TRABD2B: variants seen among roughly 807,000 people sequenced by gnomAD.
The protein encoded by TRABD2B is metalloprotease TIKI2.
A neutral mutation model predicts 40.1 loss-of-function variants in TRABD2B; 14 were observed. The ratio of observed to expected loss-of-function variants is 0.35; its 90% CI spans 0.23 to 0.55. The LOEUF is 0.55. Ranked by LOEUF, TRABD2B falls within the 20% of genes least tolerant of loss-of-function variation. The pLI is 0.90. For missense variants in TRABD2B, 541 were observed against 648.6 expected (o/e 0.83, Z 1.80); for synonymous variants, 263 against 277.0 (o/e 0.95, Z 0.50).
intron 2 of TRABD2B, among the ~76,000 whole-genome samples, chr1:47,878,184 C>T (rs141786193): frequency 0.021 from 3,159 of 151,954 alleles, 66 homozygotes; most frequent in South Asian, 0.044. Context: ...GGTGTGGTGG[C>T]GAGCACCTGT....
At chr1:47,853,210 A>C (rs1372707981) in intron 2 of TRABD2B, among the ~76,000 whole-genome samples, 1 of 152,222 alleles carries the variant, frequency 6.6e-6, no homozygotes, top group African/African-American at 2.4e-5. Flanking sequence ...GGAGTTGAGC[A>C]AACACATATC....
chr1:47,778,654 A>G, intron 4 of TRABD2B, 110 bp from the exon 5 acceptor site: 1 of 745,370 alleles, frequency 1.3e-6, no homozygotes, highest in Non-Finnish European at 2.3e-6. Context: ...CCTACACCAA[A>G]GTCAATGCCC....
rs1449512061 is a variant in TRABD2B, at chr1:47,775,268, C to A, written c.1251G>T (p.Gln417His). 1.6e-6 allele frequency: 2 copies of A among 1,255,838 alleles called. No individual in the cohort carries two copies. Among genetic ancestry groups the A allele is most frequent in the South Asian group, 3.2e-5 (1 of 30,778 alleles). The allele number at this position is 1,255,838 out of a possible 1,614,324, so 77.8% of individuals were successfully genotyped here. A position where few individuals can be genotyped will look rare whatever the true frequency, so the allele number is the denominator to read the frequency against. ...TCCTCTGCCGGCCAAACTCCTCCAGCTGGCTGAGGCTGTCGGGGAGCAGGA... is the reference window on the plus strand; with the variant it reads ...TCCTCTGCCGGCCAAACTCCTCCAGATGGCTGAGGCTGTCGGGGAGCAGGA... ...PHLLLPDSLS[Q>H]LEEFGRQRKW... The change falls in exon 6 of 7, where the codon CAG becomes CAT. Residue 417 changes from glutamine to histidine, a missense_variant. Gln to His is a conservative substitution (Grantham distance 24, BLOSUM62 0). Around this residue, in one of 2 missense-constraint regions of TRABD2B, gnomAD observed 172 missense variants for 155.8 expected, o/e 1.10. Transcript: ENST00000606738.
chr1:47,994,189 T>G lies in TRABD2B; in HGVS notation c.511A>C (p.Asn171His). 1 of 1,542,304 alleles carries G rather than the reference T, an allele frequency of 6.5e-7. No individual in the cohort carries two copies. Among genetic ancestry groups the G allele is most frequent in the Non-Finnish European group, 8.7e-7 (1 of 1,149,750 alleles). The change falls in exon 2 of 7, where the codon AAC becomes CAC. Residue 171 changes from asparagine to histidine, a missense_variant. Transcript: ENST00000606738. The surrounding 1 kb of genome is among the most constrained non-coding windows in gnomAD (Gnocchi z 6.7). ...KRPVWVMLMV[N>H]SLTERDVRFR... is the part of the protein sequence containing the mutation. ...CGCACGTCCCTCTCTGTGAGCGAGT[T>G]TACCATGAGCATCACCCAGACGGGC...
chr1:47,834,667 T>C (rs757056709), intron 2 of TRABD2B, among the ~76,000 whole-genome samples: 2 of 152,128 alleles, frequency 1.3e-5, no homozygotes, highest in Non-Finnish European at 2.9e-5. Flanking sequence ...CTCTGTCTAA[T>C]CATTAGCTGA....
At position 47,996,878 on chromosome 1, in the gene TRABD2B, C is replaced by A; in HGVS notation, c.-89G>T. On this transcript the variant is annotated 5_prime_UTR_variant, in exon 1 of 7. Transcript: ENST00000606738. This position sits in a 1 kb window ranked among gnomAD's most constrained non-coding sequence, Gnocchi z 4.6. ...CCCCCAGTTGGGCACGGAGTTTCCT[C>A]TGGAGCACGGGGCTCCAGCCGCAGG... 2 of 1,141,594 alleles carry A rather than the reference C, an allele frequency of 1.8e-6. No homozygotes were observed. The highest frequency in any genetic ancestry group is 2.1e-6 in the Non-Finnish European group (2 of 930,770). 70.7% of individuals were successfully genotyped at this position (1,141,594 alleles called of 1,614,324 possible).
chr1:47,983,542 A>T (rs1159534799), intron 2 of TRABD2B, among the ~76,000 whole-genome samples: 2 of 152,120 alleles, frequency 1.3e-5, no homozygotes, highest in Non-Finnish European at 2.9e-5. Context: ...GTTATCACCG[A>T]AGTCCCCAAG....
intron 2 of TRABD2B, among the ~76,000 whole-genome samples, chr1:47,887,003 G>T (rs1212970687): frequency 6.6e-6 from 1 of 151,538 alleles, no homozygotes; most frequent in Non-Finnish European, 1.5e-5. Context: ...CAGGAAGGCT[G>T]GGTTCTAGCT....
intron 4 of TRABD2B, among the ~76,000 whole-genome samples, chr1:47,785,262 C>T (rs188826539): frequency 3.9e-5 from 6 of 152,286 alleles, no homozygotes; most frequent in Middle Eastern, 3.4e-3. Flanking sequence ...AAAAAACACT[C>T]TCCCAGGCAA....
intron 1 of TRABD2B, among the ~76,000 whole-genome samples, chr1:47,995,501 C>CGTGT (rs10577035): frequency 7.3e-5 from 11 of 149,980 alleles, no homozygotes; most frequent in Admixed American, 5.3e-4. Context: ...AGTGTGTGTG[C>CGTGT]GTGTGTGTGT....
chr1:47,767,990 C>T (rs919323479), intron 6 of TRABD2B, among the ~76,000 whole-genome samples: 84 of 152,296 alleles, frequency 5.5e-4, no homozygotes, highest in South Asian at 1.2e-3. Flanking sequence ...GGAGGGAACC[C>T]GGGGCCACCA....
intron 2 of TRABD2B, among the ~76,000 whole-genome samples, chr1:47,955,671 C>G (rs781745465): frequency 1.3e-5 from 2 of 152,196 alleles, no homozygotes; most frequent in Non-Finnish European, 2.9e-5. Flanking sequence ...CAAGCCCTAA[C>G]CCTCCTTCTA....
intron 2 of TRABD2B, among the ~76,000 whole-genome samples, chr1:47,988,731 G>A (rs971400604): frequency 6.6e-6 from 1 of 152,192 alleles, no homozygotes. Context: ...ACGCATCACA[G>A]AAGTCAGACC....
intron 2 of TRABD2B, among the ~76,000 whole-genome samples, chr1:47,963,370 C>T (rs895721574): frequency 1.3e-5 from 2 of 152,234 alleles, no homozygotes; most frequent in Non-Finnish European, 2.9e-5. Flanking sequence ...AGCAAAGCAT[C>T]AGAGCCCATC....
intron 2 of TRABD2B, among the ~76,000 whole-genome samples, chr1:47,914,936 G>A (rs1644810609): frequency 6.6e-6 from 1 of 152,232 alleles, no homozygotes; most frequent in Admixed American, 6.5e-5. Flanking sequence ...GTATAGACCT[G>A]GTTAGATGTC....
At chr1:47,890,754 C>T (rs181323397) in intron 2 of TRABD2B, among the ~76,000 whole-genome samples, 32 of 152,314 alleles carry the variant, frequency 2.1e-4, no homozygotes, top group Non-Finnish European at 1.2e-4. Context: ...GTTCATTCAA[C>T]AAATATTCAC....
chr1:47,858,857 C>T (rs762431755), intron 2 of TRABD2B, among the ~76,000 whole-genome samples: 7 of 152,202 alleles, frequency 4.6e-5, no homozygotes, highest in Non-Finnish European at 7.3e-5. Flanking sequence ...CTCAGGATGG[C>T]GGCCTGGTGG....
chr1:47,840,839 T>C (rs1645386956), intron 2 of TRABD2B, among the ~76,000 whole-genome samples: 1 of 152,184 alleles, frequency 6.6e-6, no homozygotes, highest in South Asian at 2.1e-4. Flanking sequence ...AGTTTAAGGA[T>C]GGAGATTGTC....
chr1:47,944,735 A>C (rs1645236697), intron 2 of TRABD2B, among the ~76,000 whole-genome samples: 1 of 152,190 alleles, frequency 6.6e-6, no homozygotes, highest in South Asian at 2.1e-4. Context: ...CCCTGGCAGC[A>C]GACTCTTCCC....
Sources: allele counts gnomAD v4.1 joint callset (sites outside exome capture counted in the v4.1 genomes callset), GRCh38; gene constraint gnomAD v4.1.1; regional missense constraint gnomAD v4.1.1; non-coding constraint Gnocchi (gnomAD v3.1); transcripts MANE v1.5; gene names NCBI Gene and HGNC (gene_info 2026-07-23, HGNC 2026-07-21).